Variants in MYH15 observed in about 807,000 individuals in gnomAD.
MYH15 encodes myosin-15.
MYH15 carries 227 observed loss-of-function variants against 240.5 expected under a neutral mutation model. That is an observed-to-expected ratio of 0.94 (90% CI 0.85 to 1.05). The LOEUF (loss-of-function observed/expected upper bound fraction) is 1.05. Among genes scored for constraint, MYH15 ranks in the 50% least tolerant of loss-of-function variants. MYH15 has a pLI of 0.00. For missense variants in MYH15, 2,217 were observed against 2,247.5 expected (o/e 0.99, Z 0.27); for synonymous variants, 785 against 796.7 (o/e 0.99, Z 0.25).
At chr3:108,392,393 C>T (rs2082428632) in intron 36 of MYH15, among the ~76,000 whole-genome samples, 2 of 152,190 alleles carry the variant, frequency 1.3e-5, no homozygotes, top group African/African-American at 2.4e-5. Flanking sequence ...AAGTTTGGCT[C>T]CAGGAATTTG....
At chr3:108,403,496 C>CTTT (rs34668097) in intron 33 of MYH15, among the ~76,000 whole-genome samples, 3 of 133,432 alleles carry the variant, frequency 2.2e-5, no homozygotes, top group Non-Finnish European at 4.8e-5. Flanking sequence ...TTGTGTTTGG[C>CTTT]TTTTTTTTTT....
chr3:108,538,521 A>G, the MYH15 span, among the ~76,000 whole-genome samples: 2 of 152,234 alleles, frequency 1.3e-5, no homozygotes, highest in Admixed American at 1.3e-4. Context: ...GTGAAATGTT[A>G]ACAGCATACA....
intron 3 of MYH15, among the ~76,000 whole-genome samples, chr3:108,500,817 G>T (rs2107237250): frequency 6.6e-6 from 1 of 152,282 alleles, no homozygotes; most frequent in South Asian, 2.1e-4. Flanking sequence ...ATGACATCCA[G>T]GTGGGTCTTG....
At chr3:108,400,711 A>C (rs895434888) in intron 33 of MYH15, among the ~76,000 whole-genome samples, 1 of 152,178 alleles carries the variant, frequency 6.6e-6, no homozygotes, top group Non-Finnish European at 1.5e-5. Flanking sequence ...TGGGAGGCTG[A>C]GGCAGGAGAA....
At chr3:108,394,234 A>G in intron 35 of MYH15, 78 bp from the exon 36 acceptor site, 4 of 1,583,466 alleles carry the variant, frequency 2.5e-6, no homozygotes, top group Non-Finnish European at 3.4e-6. Flanking sequence ...AGGACATGCA[A>G]TGGGAGTCAG....
At chr3:108,541,395 T>A in the MYH15 span, among the ~76,000 whole-genome samples, 2 of 149,760 alleles carry the variant, frequency 1.3e-5, no homozygotes, top group East Asian at 2.0e-4. Flanking sequence ...TGAAAAAAAA[T>A]TTGCAATTTT....
the MYH15 span, among the ~76,000 whole-genome samples, chr3:108,535,408 T>G: frequency 8.8e-3 from 1,333 of 152,264 alleles, 8 homozygotes; most frequent in Non-Finnish European, 0.015. Context: ...TGGGGGGGCA[T>G]AGGTCTCTCT....
chr3:108,473,261 G>C (rs1251170250), intron 12 of MYH15, among the ~76,000 whole-genome samples: 1 of 152,100 alleles, frequency 6.6e-6, no homozygotes, highest in Admixed American at 6.6e-5. Flanking sequence ...CACCCGCCTC[G>C]GCCTCCCAAA....
rs2082487489 is a variant in MYH15, at chr3:108,399,365, T to A, written c.4737-98A>T. Reference sequence around the variant, plus strand: ...AACAGTACAAGAAACAGAAAAAGAATAAAATCCAAGATAAATTTTAAGTAA... The same window carrying A: ...AACAGTACAAGAAACAGAAAAAGAAAAAAATCCAAGATAAATTTTAAGTAA... On this transcript the variant is annotated intron_variant, in intron 33 of 40. Transcript: ENST00000693548. 6 of 1,039,246 alleles carry A rather than the reference T, an allele frequency of 5.8e-6. No homozygotes were observed. In the East Asian group the frequency reaches 1.5e-4, roughly 26 times the overall value. 64.4% of individuals were successfully genotyped at this position (1,039,246 alleles called of 1,614,324 possible). A position where few individuals can be genotyped will look rare whatever the true frequency, so the allele number is the denominator to read the frequency against.
At chr3:108,455,908 C>T (rs375011426) in intron 19 of MYH15, 49 bp from the exon 20 acceptor site, 3 of 1,541,988 alleles carry the variant, frequency 1.9e-6, no homozygotes, top group South Asian at 1.1e-5. Flanking sequence ...TCATATTATT[C>T]AAATAAAGAC....
chr3:108,386,255 G>C (rs1172900623), intron 38 of MYH15, among the ~76,000 whole-genome samples: 3 of 152,190 alleles, frequency 2.0e-5, no homozygotes, highest in Non-Finnish European at 4.4e-5. Context: ...TGATGTTACT[G>C]ATGTCCCTCC....
chr3:108,547,024 G>A, the MYH15 span, among the ~76,000 whole-genome samples: 1 of 151,624 alleles, frequency 6.6e-6, no homozygotes, highest in Admixed American at 6.6e-5. Context: ...GACTTATCAT[G>A]CTCATTATTC....
intron 2 of MYH15, among the ~76,000 whole-genome samples, chr3:108,504,639 G>T (rs1480667373): frequency 1.3e-5 from 2 of 152,160 alleles, no homozygotes; most frequent in Non-Finnish European, 2.9e-5. Flanking sequence ...GTGAATATTG[G>T]CAGGGAATCA....
chr3:108,520,258 T>C lies in MYH15; in HGVS notation c.-58+9005A>G, dbSNP rs2083607374. Among the ~76,000 whole-genome samples the C allele has an allele frequency of 1.3e-5, 2 of 152,206 alleles. 1 individual carries two copies. The highest frequency in any genetic ancestry group is 1.3e-4 in the Admixed American group (2 of 15,258). On this transcript the variant is annotated intron_variant, in intron 1 of 41. Coordinates refer to the MYH15 transcript ENST00000273353. ...ACCTCAGAGCAACTATTCTATTCTATGAATACACCATCTTTTTCTTAAAAT... is the reference window on the plus strand; with the variant it reads ...ACCTCAGAGCAACTATTCTATTCTACGAATACACCATCTTTTTCTTAAAAT...
In MYH15 at chr3:108,485,199, C is replaced by A. The variant is rs754576197; in HGVS notation, c.1006G>T (p.Asp336Tyr). ...QAMDILGFLP[D>Y]EKYGCYKLTG... ...AGTTTATAGCATCCATACTTCTCAT[C>A]AGGAAGAAAGCCCAAGATGTCCATG... Residue 336 changes from aspartate to tyrosine, a missense_variant, in exon 11 of 41, where the codon GAT becomes TAT. Physicochemically the swap from Asp to Tyr is radical, Grantham distance 160. Coordinates refer to ENST00000693548, the MANE Select transcript of MYH15 (RefSeq NM_014981.3). 18 of 1,613,916 alleles carry A rather than the reference C, an allele frequency of 1.1e-5. No homozygotes were observed. The highest frequency in any genetic ancestry group is 1.5e-5 in the Non-Finnish European group (18 of 1,179,964).
chr3:108,516,931 C>T (rs1396285129), intron 1 of MYH15, among the ~76,000 whole-genome samples: 1 of 152,150 alleles, frequency 6.6e-6, no homozygotes, highest in South Asian at 2.1e-4. Flanking sequence ...CTCCCCGCTC[C>T]CCTCCCACTG....
Position 108,470,699 on chromosome 3 carries a change from T to C in MYH15, c.1382A>G (p.Glu461Gly). 6.2e-7 allele frequency: 1 copy of C among 1,613,472 alleles called. No individual in the cohort carries two copies. The highest frequency in any genetic ancestry group is 8.5e-7 in the Non-Finnish European group (1 of 1,179,688). Residue 461 changes from glutamate to glycine, a missense_variant and splice_region_variant, in exon 13 of 41, where the codon GAG (glutamate) becomes GGG (glycine). Glu to Gly is a moderately conservative substitution (Grantham distance 98, BLOSUM62 -2). Transcript: ENST00000693548. The stretch of plus-strand genomic sequence containing the variant: ...TTCCTTCTTACCAGATACACTTACC[T>C]CAAGGATTTCAAAACCAGTGATGTC... ...ILDITGFEIL[E>G]YNSLEQLCIN... is the part of the protein sequence containing the mutation.
At chr3:108,545,366 A>C in the MYH15 span, among the ~76,000 whole-genome samples, 3 of 152,174 alleles carry the variant, frequency 2.0e-5, no homozygotes, top group Non-Finnish European at 4.4e-5. Context: ...GAAAGAGGAA[A>C]CCAAGGACAA....
chr3:108,384,592 C>CT, intron 39 of MYH15, 95 bp downstream of exon 39: 2 of 1,173,618 alleles, frequency 1.7e-6, no homozygotes, highest in Non-Finnish European at 2.5e-6. Context: ...CAGGTCCTCT[C>CT]TGACAAGCTG....
Sources: gnomAD v4.1 joint callset for allele counts (sites outside exome capture counted in the v4.1 genomes callset) on GRCh38, gnomAD v4.1.1 for gene constraint, MANE v1.5 for transcripts, NCBI Gene and HGNC (gene_info 2026-07-23, HGNC 2026-07-21) for gene names.